Variants in FAS observed in about 807,000 individuals in gnomAD.
FAS encodes the protein tumor necrosis factor receptor superfamily member 6.
In FAS, 5 loss-of-function variants were observed where a neutral mutation model predicts 33.2. The observed-to-expected ratio is 0.15, with a 90% confidence interval of 0.08 to 0.32. FAS has a LOEUF of 0.32. Ranked by LOEUF, FAS falls within the 10% of genes least tolerant of loss-of-function variation. FAS has a pLI of 1.00. For synonymous variants in FAS, 131 were observed against 130.7 expected, an observed-to-expected ratio of 1.00 and a Z score of -0.01; for missense variants, 339 against 386.0, an observed-to-expected ratio of 0.88 and a Z score of 1.02.
upstream of FAS, chr10:88,990,701 G>C: frequency 1.4e-6 from 1 of 740,558 alleles, no homozygotes; most frequent in Non-Finnish European, 2.4e-6. The surrounding 1 kb of genome is among the most constrained non-coding windows in gnomAD (Gnocchi z 4.9). Context: ...TGGGGAGTGA[G>C]GGAAGCGGTT....
chr10:88,983,967 T>C (rs1846794604), upstream of FAS, among the ~76,000 whole-genome samples: 2 of 147,820 alleles, frequency 1.4e-5, no homozygotes, highest in Non-Finnish European at 3.0e-5. Flanking sequence ...GTTATCCTTG[T>C]TGCCTGGACA....
At chr10:88,985,701 C>T (rs1174107291), upstream of FAS, among the ~76,000 whole-genome samples, 3 of 152,188 alleles carry the variant, frequency 2.0e-5, no homozygotes, top group Non-Finnish European at 4.4e-5. Flanking sequence ...AATGACTGCC[C>T]CTCCCTCATG....
intron 2 of FAS, chr10:88,974,388 T>C (rs1846517376): frequency 1.3e-5 from 2 of 152,230 alleles, no homozygotes; most frequent in African/African-American, 2.4e-5. Flanking sequence ...TTAAAAGTGA[T>C]ATTGAAACTA....
At chr10:88,992,709 A>G (rs1847320319) in intron 1 of FAS, among the ~76,000 whole-genome samples, 1 of 152,098 alleles carries the variant, frequency 6.6e-6, no homozygotes, top group Non-Finnish European at 1.5e-5. Context: ...ATCAGACATA[A>G]CTCTATCACC....
At position 88,975,154 on chromosome 10, in the gene FAS, A is replaced by G. The variant is rs1589419584; in HGVS notation, n.260+1807A>G. The G allele has an allele frequency of 1.2e-4, 5 of 43,012 alleles. No homozygotes were observed. In the East Asian group the frequency reaches 1.2e-3, roughly 10 times the overall value. The allele number at this position is 43,012 out of a possible 1,614,324, so 2.7% of individuals were successfully genotyped here. A position where few individuals can be genotyped will look rare whatever the true frequency, so the allele number is the denominator to read the frequency against. On this transcript the variant is annotated intron_variant and non_coding_transcript_variant, in intron 2 of 3. Transcript: ENST00000688239. ...TGAAACCAGAATGCTGTCAACGATT[A>G]AAAAAAAAAAAAACTCTCAAGCAAG...
intron 2 of FAS, among the ~76,000 whole-genome samples, chr10:88,981,262 T>C (rs964954793): frequency 1.3e-5 from 2 of 152,204 alleles, no homozygotes; most frequent in African/African-American, 4.8e-5. Flanking sequence ...AGGATAATAT[T>C]AGATGTTAAG....
At position 88,995,151 on chromosome 10, in the gene FAS, G is replaced by A. The variant is rs576050705; in HGVS notation, c.30+4245G>A. ...TTTAATAAATCCTCTTTATTTTCTG[G>A]AAAATCCTTGCTTTAAAAAAAGTCT... is the stretch of plus-strand genomic sequence containing the variant. On this transcript the variant is annotated intron_variant, in intron 1 of 8. Transcript: ENST00000652046. Among the ~76,000 whole-genome samples, 234 of 151,826 alleles carry A rather than the reference G, an allele frequency of 1.5e-3. 1 individual carries two copies. The highest frequency in any genetic ancestry group is 5.4e-3 in the African/African-American group (222 of 41,382).
chr10:89,013,627 G>C (rs1369338361), intron 8 of FAS, among the ~76,000 whole-genome samples: 1 of 152,182 alleles, frequency 6.6e-6, no homozygotes, highest in African/African-American at 2.4e-5. Flanking sequence ...TAATCAGCTA[G>C]ATGTATTACA....
chr10:88,984,832 T>C (rs1337879799), upstream of FAS, among the ~76,000 whole-genome samples: 4 of 152,166 alleles, frequency 2.6e-5, no homozygotes, highest in African/African-American at 9.7e-5. Flanking sequence ...TGGGAGACCA[T>C]GGGAGGGGAG....
intron 1 of FAS, among the ~76,000 whole-genome samples, chr10:88,971,131 T>C (rs1846437031): frequency 6.6e-6 from 1 of 152,188 alleles, no homozygotes; most frequent in Non-Finnish European, 1.5e-5. Context: ...AATTGTAGAT[T>C]TGGGCAGAAA....
At chr10:88,991,194 C>T in intron 1 of FAS, 2 of 563,926 alleles carry the variant, frequency 3.5e-6, no homozygotes, top group African/African-American at 1.9e-5. Context: ...CCTCGGAGAC[C>T]ACTGCGCTCC....
chr10:88,990,994 T>C lies in FAS; in HGVS notation c.30+88T>C. Reference sequence around the variant, plus strand: ...GGGCGGGCGCGGGACGCGTGCGGGATTGCGGCGGCAGCGGCGCACGCGGGC... The same window carrying C: ...GGGCGGGCGCGGGACGCGTGCGGGACTGCGGCGGCAGCGGCGCACGCGGGC... On this transcript the variant is annotated intron_variant, in intron 1 of 8. Coordinates refer to ENST00000652046, the MANE Select transcript of FAS (RefSeq NM_000043.6). This position sits in a 1 kb window ranked among gnomAD's most constrained non-coding sequence, Gnocchi z 4.9. The C allele has an allele frequency of 1.3e-6, 2 of 1,589,954 alleles. No homozygotes were observed. Among genetic ancestry groups the C allele is most frequent in the Non-Finnish European group, 1.7e-6 (2 of 1,160,600 alleles).
chr10:89,003,257 A>G (rs1848036727), intron 2 of FAS, 63 bp downstream of exon 2: 1 of 1,578,996 alleles, frequency 6.3e-7, no homozygotes, highest in African/African-American at 1.3e-5. Context: ...GCACATAGTA[A>G]TCATGACTAT....
At chr10:88,966,418 T>C (rs778082036) in intron 1 of FAS, among the ~76,000 whole-genome samples, 9 of 152,184 alleles carry the variant, frequency 5.9e-5, no homozygotes, top group Admixed American at 1.3e-4. Flanking sequence ...ACTAAGCCCT[T>C]TGGCCCTCAT....
chr10:88,990,624 C>A (rs1368648192), upstream of FAS: 1 of 689,254 alleles, frequency 1.5e-6, no homozygotes, highest in Non-Finnish European at 2.6e-6. The surrounding 1 kb of genome is among the most constrained non-coding windows in gnomAD (Gnocchi z 4.9). Flanking sequence ...TCCTGACCAC[C>A]GGGGCTTTTC....
At chr10:88,999,152 CA>C (rs762435847) in intron 1 of FAS, among the ~76,000 whole-genome samples, 2 of 100,978 alleles carry the variant, frequency 2.0e-5, no homozygotes, top group African/African-American at 7.1e-5. Flanking sequence ...GACTCCGTCT[CA>C]AAAAAATAAA....
At chr10:89,011,251 TCTTAA>T (rs1848514596) in intron 6 of FAS, among the ~76,000 whole-genome samples, 1 of 152,184 alleles carries the variant, frequency 6.6e-6, no homozygotes, top group African/African-American at 2.4e-5. Flanking sequence ...TATTTCTCCT[TCTTAA>T]CTTAAAATAC....
At position 89,015,576 on chromosome 10, in the gene FAS, G is replaced by A. The variant is rs9658777; in HGVS notation, c.*1126G>A. ...AAGATTCTCCTTACTACTATCCTAC[G>A]TTTAAATATCTTTGAAAGTTTGTAT... On this transcript the variant is annotated 3_prime_UTR_variant, in exon 9 of 9. Coordinates refer to ENST00000652046, the MANE Select transcript of FAS (RefSeq NM_000043.6). 6.5e-4 allele frequency: 339 copies of A among 518,302 alleles called. No individual in the cohort carries two copies. Among genetic ancestry groups the A allele is most frequent in the African/African-American group, 5.6e-3 (298 of 53,082 alleles). 32.1% of individuals were successfully genotyped at this position (518,302 alleles called of 1,614,324 possible).
intron 7 of FAS, chr10:89,012,913 G>T (rs1164939961): frequency 6.5e-6 from 1 of 152,900 alleles, no homozygotes; most frequent in Non-Finnish European, 1.4e-5. Context: ...CTTATTTGGG[G>T]CCAGGGCTCA....
Sources: gnomAD v4.1 joint callset for allele counts (sites outside exome capture counted in the v4.1 genomes callset) on GRCh38, gnomAD v4.1.1 for gene constraint, Gnocchi (gnomAD v3.1) non-coding constraint, MANE v1.5 for transcripts, NCBI Gene and HGNC (gene_info 2026-07-23, HGNC 2026-07-21) for gene names.